The following SEMA5A variants were observed in gnomAD, a reference collection of about 807,000 sequenced individuals.
The protein encoded by SEMA5A is semaphorin-5A.
In SEMA5A, 55 loss-of-function variants were observed where a neutral mutation model predicts 135.5. The ratio of observed to expected loss-of-function variants is 0.41; its 90% CI spans 0.33 to 0.51. The LOEUF is 0.51. SEMA5A is among the 20% of genes least tolerant of loss of function. The pLI, the probability that SEMA5A is intolerant of heterozygous loss-of-function variation, is 0.37. For missense variants in SEMA5A, 1,290 were observed against 1,419.9 expected, an observed-to-expected ratio of 0.91 and a Z score of 1.47; for synonymous variants, 580 against 546.5, an observed-to-expected ratio of 1.06 and a Z score of -0.85.
intron 2 of SEMA5A, among the ~76,000 whole-genome samples, chr5:9,405,898 C>T (rs1163927734): frequency 6.6e-6 from 1 of 152,106 alleles, no homozygotes; most frequent in Non-Finnish European, 1.5e-5. Context: ...ACAGGTGCAT[C>T]ATATAAGGTC....
rs2150332827 is a variant in SEMA5A at position 9,183,395 on chromosome 5, C to G, written c.1273+6872G>C. The stretch of plus-strand genomic sequence containing the variant: ...TTCTGGGCTGCAGCTACCAGCTCTT[C>G]CAGCACCTGCTTGAGAAGCCATATC... On this transcript the variant is annotated intron_variant, in intron 11 of 22. Transcript: ENST00000382496. Among the ~76,000 whole-genome samples the G allele has an allele frequency of 4.6e-5, 7 of 152,288 alleles. 2 individuals are homozygous for G. The highest frequency in any genetic ancestry group is 4.6e-4 in the Admixed American group (7 of 15,304).
chr5:9,274,387 G>T (rs920110799), intron 5 of SEMA5A, among the ~76,000 whole-genome samples: 6 of 152,040 alleles, frequency 3.9e-5, no homozygotes, highest in African/African-American at 1.4e-4. Context: ...ACGATAGTGG[G>T]ATATTTTAAC....
At chr5:9,110,647 T>G (rs1034377543) in intron 15 of SEMA5A, among the ~76,000 whole-genome samples, 6 of 152,126 alleles carry the variant, frequency 3.9e-5, no homozygotes, top group African/African-American at 1.2e-4. Flanking sequence ...CAGGGAGAGA[T>G]AGTTGATGTG....
intron 5 of SEMA5A, among the ~76,000 whole-genome samples, chr5:9,272,175 G>C (rs1184313217): frequency 2.0e-5 from 3 of 152,104 alleles, no homozygotes; most frequent in Non-Finnish European, 4.4e-5. Flanking sequence ...GGAGCTTGGT[G>C]GGGGTGTAGG....
Position 9,311,782 on chromosome 5 carries a change from T to C in SEMA5A, c.270+6590A>G, listed in dbSNP as rs181793401. 2.8e-4 allele frequency among the ~76,000 whole-genome samples: 42 copies of C among 152,204 alleles called. No individual in the cohort carries two copies. In the East Asian group the frequency reaches 7.3e-3, roughly 27 times the overall value. ...AATAAAATAAAAAGAAGAAAGAAGT[T>C]AATATCCACTTTAACTTTGGAGAGA... On this transcript the variant is annotated intron_variant, in intron 5 of 22. Transcript: ENST00000382496.
At chr5:9,509,429 C>T (rs371734794) in intron 1 of SEMA5A, among the ~76,000 whole-genome samples, 6 of 152,158 alleles carry the variant, frequency 3.9e-5, no homozygotes, top group African/African-American at 1.4e-4. Context: ...CGCACACCAC[C>T]ACGCCCGGCT....
At chr5:9,384,647 G>C (rs200952936) in intron 2 of SEMA5A, among the ~76,000 whole-genome samples, 997 of 69,388 alleles carry the variant, frequency 0.014, 68 homozygotes, top group Non-Finnish European at 0.019. Context: ...TAGATAGATA[G>C]ATAGATAGAT....
intron 3 of SEMA5A, among the ~76,000 whole-genome samples, chr5:9,356,509 C>T (rs973049585): frequency 1.3e-5 from 2 of 152,102 alleles, no homozygotes; most frequent in Admixed American, 6.5e-5. Context: ...AGGCTGCACA[C>T]AGTTAGAAGA....
At chr5:9,465,024 C>T (rs1759203357) in intron 1 of SEMA5A, among the ~76,000 whole-genome samples, 1 of 152,070 alleles carries the variant, frequency 6.6e-6, no homozygotes, top group African/African-American at 2.4e-5. Context: ...ACTACAGTCA[C>T]CTGGAACGAG....
At chr5:9,494,541 C>G (rs1011833637) in intron 1 of SEMA5A, among the ~76,000 whole-genome samples, 8 of 152,078 alleles carry the variant, frequency 5.3e-5, no homozygotes, top group Admixed American at 5.2e-4. Flanking sequence ...CTCCTAGCCC[C>G]CAGGCCCTGA....
At chr5:9,310,651 T>C (rs754626628) in intron 5 of SEMA5A, among the ~76,000 whole-genome samples, 5 of 151,822 alleles carry the variant, frequency 3.3e-5, no homozygotes, top group Non-Finnish European at 7.4e-5. Flanking sequence ...AGTTATATTA[T>C]AGTGTTATGA....
intron 1 of SEMA5A, among the ~76,000 whole-genome samples, chr5:9,503,181 A>G (rs1202354777): frequency 6.6e-6 from 1 of 152,196 alleles, no homozygotes. Context: ...GAAACCACTC[A>G]TCCATTTGCA....
At chr5:9,465,995 CAG>C (rs1759243508) in intron 1 of SEMA5A, among the ~76,000 whole-genome samples, 1 of 152,122 alleles carries the variant, frequency 6.6e-6, no homozygotes, top group Non-Finnish European at 1.5e-5. Flanking sequence ...GTGGAGAATT[CAG>C]AGAGAAATTA....
chr5:9,094,046 T>C (rs1387920813), intron 16 of SEMA5A, among the ~76,000 whole-genome samples: 2 of 152,244 alleles, frequency 1.3e-5, no homozygotes, highest in African/African-American at 2.4e-5. Context: ...ATTGCTCTGA[T>C]GGCATTTATT....
chr5:9,345,593 T>G (rs560720023), intron 3 of SEMA5A, among the ~76,000 whole-genome samples: 1 of 150,554 alleles, frequency 6.6e-6, no homozygotes, highest in African/African-American at 2.4e-5. Flanking sequence ...AATTTCTAAA[T>G]GATAGTATTT....
chr5:9,163,440 T>C lies in SEMA5A; in HGVS notation c.1274-8745A>G, dbSNP rs546224649. Among the ~76,000 whole-genome samples, 6 of 152,334 alleles carry C rather than the reference T, an allele frequency of 3.9e-5. No homozygotes were observed. The East Asian group carries it at 1.2e-3, about 29-fold the overall frequency. On this transcript the variant is annotated intron_variant, in intron 11 of 22. Coordinates refer to ENST00000382496, the MANE Select transcript of SEMA5A (RefSeq NM_003966.3). ...TTGCTCTGGGGGAAAATAGCTGCTA[T>C]TTTTTAACTTTCAATGTTTAAGTAG...
chr5:9,283,096 T>C lies in SEMA5A; in HGVS notation c.270+35276A>G, dbSNP rs182543787. Among the ~76,000 whole-genome samples, 452 of 152,350 alleles carry C rather than the reference T, an allele frequency of 3.0e-3. 7 individuals carry two copies. Among genetic ancestry groups the C allele is most frequent in the African/African-American group, 0.01 (431 of 41,586 alleles). Reference sequence around the variant, plus strand: ...TTGTTTTAAGCCACTGAGTATAGGATAATTTGTTGCAGCAGTATCACAAAA... The same window carrying C: ...TTGTTTTAAGCCACTGAGTATAGGACAATTTGTTGCAGCAGTATCACAAAA... On this transcript the variant is annotated intron_variant, in intron 5 of 22. Coordinates refer to ENST00000382496, the MANE Select transcript of SEMA5A (RefSeq NM_003966.3).
intron 2 of SEMA5A, among the ~76,000 whole-genome samples, chr5:9,427,119 T>A (rs1757688203): frequency 6.6e-6 from 1 of 152,208 alleles, no homozygotes; most frequent in South Asian, 2.1e-4. Flanking sequence ...AAGATCTGCC[T>A]GGCTAACATG....
At chr5:9,150,670 A>G (rs1742585912) in intron 12 of SEMA5A, among the ~76,000 whole-genome samples, 1 of 152,170 alleles carries the variant, frequency 6.6e-6, no homozygotes, top group South Asian at 2.1e-4. Flanking sequence ...CCGCCGCCTG[A>G]GGTCCCAGGA....
Sources: allele counts gnomAD v4.1 joint callset (sites outside exome capture counted in the v4.1 genomes callset), GRCh38; gene constraint gnomAD v4.1.1; transcripts MANE v1.5; gene names NCBI Gene and HGNC (gene_info 2026-07-23, HGNC 2026-07-21).